Variants in FAM227B observed in about 807,000 individuals in gnomAD.
FAM227B encodes protein FAM227B.
FAM227B carries 88 observed loss-of-function variants against 73.8 expected under a neutral mutation model. The observed-to-expected ratio is 1.19, with a 90% confidence interval of 1.00 to 1.42. The LOEUF (loss-of-function observed/expected upper bound fraction) is 1.42. Among genes scored for constraint, FAM227B ranks in the 40% most tolerant of loss-of-function variants. FAM227B has a pLI of 0.00. For synonymous variants in FAM227B, 210 were observed against 190.5 expected (o/e 1.10, Z -0.84); for missense variants, 632 against 590.9 (o/e 1.07, Z -0.72).
chr15:49,378,481 TGTA>T (rs1386865785), intron 11 of FAM227B, among the ~76,000 whole-genome samples: 56 of 126,884 alleles, frequency 4.4e-4, no homozygotes, highest in African/African-American at 1.6e-3. Context: ...TCCTCTTCAA[TGTA>T]TTTCATCAGT....
rs895125720 is a variant in FAM227B at position 49,620,805 on chromosome 15, T to C, written c.-178A>G. On this transcript the variant is annotated 5_prime_UTR_variant, in exon 1 of 16. Transcript: ENST00000299338. Reference sequence around the variant, plus strand: ...GAAAGGCTGCGAGGCTTGAGGCGGGTCCCGGACGAACGCGGCCCTGCCCCT... The same window carrying C: ...GAAAGGCTGCGAGGCTTGAGGCGGGCCCCGGACGAACGCGGCCCTGCCCCT... 4.6e-5 allele frequency: 7 copies of C among 151,964 alleles called. No individual in the cohort carries two copies. The highest frequency in any genetic ancestry group is 8.8e-5 in the Non-Finnish European group (6 of 67,948). 9.4% of individuals were successfully genotyped at this position (151,964 alleles called of 1,614,324 possible). A position where few individuals can be genotyped will look rare whatever the true frequency, so the allele number is the denominator to read the frequency against.
chr15:49,427,314 C>A (rs1227709728), intron 11 of FAM227B, among the ~76,000 whole-genome samples: 1 of 151,760 alleles, frequency 6.6e-6, no homozygotes, highest in Non-Finnish European at 1.5e-5. Context: ...AATGAATGGA[C>A]AAATAAATGA....
intron 11 of FAM227B, among the ~76,000 whole-genome samples, chr15:49,447,083 A>G (rs961576434): frequency 1.3e-5 from 2 of 151,482 alleles, no homozygotes; most frequent in African/African-American, 4.8e-5. Context: ...ACACTGAATA[A>G]AATCATGTTA....
At chr15:49,359,053 C>T (rs1052866462) in intron 13 of FAM227B, among the ~76,000 whole-genome samples, 2 of 151,874 alleles carry the variant, frequency 1.3e-5, no homozygotes, top group Non-Finnish European at 2.9e-5. Context: ...AGCTGAAACT[C>T]GATCCCTTCC....
chr15:49,497,878 A>C (rs1479328496), intron 11 of FAM227B, among the ~76,000 whole-genome samples: 1 of 152,214 alleles, frequency 6.6e-6, no homozygotes, highest in Non-Finnish European at 1.5e-5. Flanking sequence ...CTTTGGCCCC[A>C]AAGTGTGAAT....
intron 8 of FAM227B, 71 bp from the exon 9 acceptor site, chr15:49,568,417 A>G (rs1475741147): frequency 1.2e-5 from 15 of 1,219,594 alleles, no homozygotes; most frequent in Admixed American, 2.0e-5. Flanking sequence ...TGATGACAGC[A>G]ATTTCATTTA....
intron 10 of FAM227B, among the ~76,000 whole-genome samples, chr15:49,535,086 CA>C (rs1454554384): frequency 6.6e-6 from 1 of 151,132 alleles, no homozygotes; most frequent in African/African-American, 2.4e-5. Context: ...TAACAAAAAA[CA>C]GAACAGAAAC....
intron 11 of FAM227B, among the ~76,000 whole-genome samples, chr15:49,384,334 C>T (rs879058840): frequency 3.3e-5 from 5 of 152,000 alleles, no homozygotes; most frequent in Non-Finnish European, 5.9e-5. Context: ...TATATTATCA[C>T]TCATTCTATC....
chr15:49,471,223 T>C (rs921584741), intron 11 of FAM227B, among the ~76,000 whole-genome samples: 42 of 150,918 alleles, frequency 2.8e-4, no homozygotes, highest in African/African-American at 1.0e-3. Flanking sequence ...CAGTGACTCG[T>C]GCCTGTAATC....
chr15:49,547,502 A>AGC (rs1208899830), intron 9 of FAM227B, among the ~76,000 whole-genome samples: 1 of 152,224 alleles, frequency 6.6e-6, no homozygotes, highest in Admixed American at 6.5e-5. Context: ...ATAAAGAGTC[A>AGC]AGACCCATCA....
intron 11 of FAM227B, among the ~76,000 whole-genome samples, chr15:49,439,699 A>G (rs1404129558): frequency 6.6e-6 from 1 of 151,804 alleles, no homozygotes; most frequent in Non-Finnish European, 1.5e-5. Flanking sequence ...GGGTCTCCTC[A>G]GGAGGAACGT....
chr15:49,526,875 T>A (rs750600919), intron 10 of FAM227B, among the ~76,000 whole-genome samples: 1 of 151,398 alleles, frequency 6.6e-6, no homozygotes, highest in Admixed American at 6.6e-5. Flanking sequence ...ACAGATCAAG[T>A]AGGAGTAATA....
intron 9 of FAM227B, among the ~76,000 whole-genome samples, chr15:49,543,639 T>C (rs1393930762): frequency 6.6e-6 from 1 of 152,170 alleles, no homozygotes; most frequent in Non-Finnish European, 1.5e-5. Flanking sequence ...TGGTTTCAGG[T>C]CTTAGTTTAA....
chr15:49,557,467 G>A (rs1302767433), intron 9 of FAM227B, among the ~76,000 whole-genome samples: 1 of 152,170 alleles, frequency 6.6e-6, no homozygotes, highest in Non-Finnish European at 1.5e-5. Context: ...ATGTACAGAG[G>A]AGTTTAAGAC....
At chr15:49,588,581 AT>A (rs1287558010) in intron 4 of FAM227B, among the ~76,000 whole-genome samples, 11 of 124,538 alleles carry the variant, frequency 8.8e-5, no homozygotes, top group Non-Finnish European at 1.5e-4. Flanking sequence ...ATATATATAT[AT>A]ATATATATAT....
intron 13 of FAM227B, among the ~76,000 whole-genome samples, chr15:49,337,633 G>A (rs949750506): frequency 6.9e-6 from 1 of 145,832 alleles, no homozygotes; most frequent in African/African-American, 2.6e-5. Context: ...TCATCAACCT[G>A]TCATCTACAT....
intron 10 of FAM227B, among the ~76,000 whole-genome samples, chr15:49,516,980 G>C (rs964363462): frequency 5.9e-5 from 9 of 152,150 alleles, no homozygotes; most frequent in Non-Finnish European, 8.8e-5. Flanking sequence ...GGCAAATGCA[G>C]AGAGCTTTTA....
intron 11 of FAM227B, among the ~76,000 whole-genome samples, chr15:49,436,780 T>C (rs1046503511): frequency 1.3e-5 from 2 of 151,580 alleles, no homozygotes; most frequent in Non-Finnish European, 3.0e-5. Context: ...TATCATCACA[T>C]GTATCACTAT....
intron 1 of FAM227B, among the ~76,000 whole-genome samples, chr15:49,618,261 G>T (rs1265578365): frequency 6.6e-6 from 1 of 152,014 alleles, no homozygotes; most frequent in Non-Finnish European, 1.5e-5. Flanking sequence ...ATTAAACAAA[G>T]AAAAAGGAAA....
Sources: gnomAD v4.1 joint callset for allele counts (sites outside exome capture counted in the v4.1 genomes callset) on GRCh38, gnomAD v4.1.1 for gene constraint, MANE v1.5 for transcripts, NCBI Gene and HGNC (gene_info 2026-07-23, HGNC 2026-07-21) for gene names.